THAP12: variants seen among roughly 807,000 people sequenced by gnomAD.
THAP12 encodes THAP domain containing 12, also known as 52 kDa repressor of the inhibitor of the protein kinase.
Under a neutral mutation model 63.0 loss-of-function variants are expected in THAP12, and 20 were observed. The ratio of observed to expected loss-of-function variants is 0.32; its 90% CI spans 0.22 to 0.46. THAP12 has a LOEUF of 0.46. THAP12 is among the 20% of genes least tolerant of loss of function. The pLI, the probability that THAP12 is intolerant of heterozygous loss-of-function variation, is 1.00. For synonymous variants in THAP12, 264 were observed against 328.4 expected, an observed-to-expected ratio of 0.80 and a Z score of 2.12; for missense variants, 568 against 908.2, an observed-to-expected ratio of 0.63 and a Z score of 4.81.
chr11:76,370,227 C>T (rs983216522), intron 1 of THAP12, among the ~76,000 whole-genome samples: 1 of 152,100 alleles, frequency 6.6e-6, no homozygotes, highest in Non-Finnish European at 1.5e-5. Context: ...GCTGGGAGAA[C>T]CATGAAGCAG....
At chr11:76,367,661 G>T (rs886108191) in intron 1 of THAP12, among the ~76,000 whole-genome samples, 2 of 151,434 alleles carry the variant, frequency 1.3e-5, no homozygotes, top group African/African-American at 4.9e-5. Context: ...GATCGCAGGT[G>T]ATCTGCCCAC....
chr11:76,380,375 G>C (rs997981511), intron 1 of THAP12, among the ~76,000 whole-genome samples: 2 of 152,212 alleles, frequency 1.3e-5, no homozygotes, highest in African/African-American at 4.8e-5. Flanking sequence ...ATAGAGTCCT[G>C]CTCTCTTTTG....
At chr11:76,365,459 T>C (rs551615240) in intron 2 of THAP12, among the ~76,000 whole-genome samples, 1 of 152,108 alleles carries the variant, frequency 6.6e-6, no homozygotes, top group South Asian at 2.1e-4. Flanking sequence ...AACACAACTC[T>C]CTGCAGCCCC....
intron 1 of THAP12, among the ~76,000 whole-genome samples, chr11:76,368,808 G>A (rs762096708): frequency 2.0e-5 from 3 of 152,140 alleles, no homozygotes; most frequent in Admixed American, 6.6e-5. Context: ...AAACAATAAA[G>A]CCACTAAAAG....
At chr11:76,353,372 C>T (rs1367204095) in intron 4 of THAP12, among the ~76,000 whole-genome samples, 1 of 152,186 alleles carries the variant, frequency 6.6e-6, no homozygotes, top group Admixed American at 6.5e-5. Context: ...CACTAAGTAA[C>T]TTGCCCAAGA....
intron 1 of THAP12, among the ~76,000 whole-genome samples, chr11:76,367,926 G>A (rs886098342): frequency 1.3e-5 from 2 of 152,126 alleles, no homozygotes; most frequent in Non-Finnish European, 2.9e-5. Flanking sequence ...ACTGCTCACA[G>A]TAACGATGCC....
At chr11:76,364,997 T>C (rs1946621190) in intron 2 of THAP12, among the ~76,000 whole-genome samples, 1 of 152,210 alleles carries the variant, frequency 6.6e-6, no homozygotes, top group African/African-American at 2.4e-5. Context: ...AGTGGTTACC[T>C]CAGCCGGGTG....
At chr11:76,370,908 GTATA>G (rs1242551454) in intron 1 of THAP12, among the ~76,000 whole-genome samples, 1 of 150,402 alleles carries the variant, frequency 6.6e-6, no homozygotes, top group Admixed American at 6.6e-5. Context: ...TTATGAATAT[GTATA>G]TATATTTATA....
intron 2 of THAP12, among the ~76,000 whole-genome samples, chr11:76,363,553 A>T (rs995033749): frequency 6.0e-5 from 9 of 150,586 alleles, no homozygotes; most frequent in Non-Finnish European, 8.8e-5. Flanking sequence ...CAAAACTCTT[A>T]AACATTTAGA....
rs1039829711 is a variant in THAP12 at position 76,380,918 on chromosome 11, G to A, written c.-82C>T. On this transcript the variant is annotated 5_prime_UTR_variant, in exon 1 of 5. Transcript: ENST00000260045. ...CGCCCGCCCGTCGGGGCCGGGGAGG[G>A]GAGCCAGGCCGGCCGGCCGGCTCGG... 278 of 921,010 alleles carry A rather than the reference G, an allele frequency of 3.0e-4. 1 individual carries two copies. Among genetic ancestry groups the A allele is most frequent in the Non-Finnish European group, 3.7e-4 (268 of 715,220 alleles). The allele number at this position is 921,010 out of a possible 1,614,324, so 57.1% of individuals were successfully genotyped here.
Position 76,351,773 on chromosome 11 carries a change from C to G in THAP12, c.1377G>C (p.Trp459Cys). ...DGINSDTNIR[W>C]NNYIAGRAFV... The stretch of plus-strand genomic sequence containing the variant: ...ATGCTCGGCCAGCTATATAGTTATT[C>G]CATCTAATATTTGTGTCACTATTTA... Residue 459 changes from tryptophan (W) to cysteine (C), a missense_variant, in exon 5 of 5, where the codon TGG becomes TGC. Trp to Cys is a radical substitution (Grantham distance 215). Transcript: ENST00000260045. 4 of 1,613,174 alleles carry G rather than the reference C, an allele frequency of 2.5e-6. No homozygotes were observed. Among genetic ancestry groups the G allele is most frequent in the Non-Finnish European group, 3.4e-6 (4 of 1,179,430 alleles).
At chr11:76,373,723 A>AG (rs1041025063) in intron 1 of THAP12, among the ~76,000 whole-genome samples, 3 of 151,120 alleles carry the variant, frequency 2.0e-5, no homozygotes, top group African/African-American at 7.3e-5. Context: ...CCCCTCAAAA[A>AG]AAAAAAAAGT....
In THAP12 at chr11:76,380,751, G is replaced by T. The variant is rs1170132135; in HGVS notation, c.86C>A (p.Ala29Asp). The change falls in exon 1 of 5, where the codon GCC (alanine) becomes GAC (aspartate). Residue 29 changes from alanine to aspartate, a missense_variant. Physicochemically the swap from Ala to Asp is moderately radical, Grantham distance 126 (BLOSUM62 -2). Coordinates refer to ENST00000260045, the MANE Select transcript of THAP12 (RefSeq NM_004705.4). ...LAFFRFPRDP[A>D]RCQKWVENCR... ...CCGCTCTGCGCCCGCCGCTTACCTG[G>T]CAGGGTCCCGCGGGAACCTGAAGAA... is the stretch of plus-strand genomic sequence containing the variant. 1.4e-6 allele frequency: 2 copies of T among 1,448,074 alleles called. No homozygotes were observed. The highest frequency in any genetic ancestry group is 4.9e-5 in the Admixed American group (2 of 40,636). The allele number at this position is 1,448,074 out of a possible 1,614,324, so 89.7% of individuals were successfully genotyped here.
chr11:76,355,810 A>G lies in THAP12; in HGVS notation c.319-156T>C, dbSNP rs1278199295. On this transcript the variant is annotated intron_variant, in intron 3 of 4. Coordinates refer to ENST00000260045, the MANE Select transcript of THAP12 (RefSeq NM_004705.4). ...TTATATAGTACACATTCTTCAAACA[A>G]ACAGACAATGAGAAAACCAGAATAA... 5 of 525,676 alleles carry G rather than the reference A, an allele frequency of 9.5e-6. No individual in the cohort carries two copies. In the East Asian group the frequency reaches 1.6e-4, roughly 17 times the overall value. The allele number at this position is 525,676 out of a possible 1,614,324, so 32.6% of individuals were successfully genotyped here.
chr11:76,378,335 A>G (rs1946725627), intron 1 of THAP12, among the ~76,000 whole-genome samples: 1 of 152,198 alleles, frequency 6.6e-6, no homozygotes, highest in South Asian at 2.1e-4. Context: ...AGTGAGTAGA[A>G]TAGTTTGTGA....
At chr11:76,365,643 T>C (rs1946626359) in intron 2 of THAP12, among the ~76,000 whole-genome samples, 1 of 152,200 alleles carries the variant, frequency 6.6e-6, no homozygotes. Context: ...TGCCTCGGCC[T>C]CCCAAAGTGC....
In THAP12 at chr11:76,351,294, G is replaced by A. The variant is rs747184093; in HGVS notation, c.1856C>T (p.Thr619Met). The A allele has an allele frequency of 5.7e-6, 9 of 1,582,854 alleles. No homozygotes were observed. The highest frequency in any genetic ancestry group is 1.3e-5 in the African/African-American group (1 of 74,312). ...PSVMGQLKFN[T>M]SEEHHADMYR... ...CATGTCAGCATGGTGTTCCTCCGAC[G>A]TATTGAATTTGAGTTGTCCCATGAC... Residue 619 changes from threonine to methionine, a missense_variant, in exon 5 of 5, where the codon ACG (threonine) becomes ATG (methionine). Thr to Met is a moderately conservative substitution (Grantham distance 81). Coordinates refer to ENST00000260045, the MANE Select transcript of THAP12 (RefSeq NM_004705.4).
At chr11:76,357,849 C>A (rs1468491067) in intron 3 of THAP12, 1 of 152,004 alleles carries the variant, frequency 6.6e-6, no homozygotes, top group Non-Finnish European at 1.5e-5. Flanking sequence ...CTAAAATGGA[C>A]CTAAGAGAGA....
chr11:76,351,173 C>T lies in THAP12; in HGVS notation c.1977G>A (p.Pro659=), dbSNP rs577884315. ...WKHRGKDIEL[P]STIYEALHLP... ...GGTGGAGGGCTTCATAGATGGTGGA[C>T]GGAAGCTCTATATCTTTCCCCCTGT... is the stretch of plus-strand genomic sequence containing the variant. The change falls in exon 5 of 5, where the codon CCG becomes CCA. Residue 659 remains proline (P), a synonymous_variant. Coordinates refer to ENST00000260045, the MANE Select transcript of THAP12 (RefSeq NM_004705.4). 22 of 1,588,846 alleles carry T rather than the reference C, an allele frequency of 1.4e-5. 1 individual carries two copies. Among genetic ancestry groups the T allele is most frequent in the South Asian group, 8.0e-5 (7 of 87,010 alleles).
Sources: allele counts gnomAD v4.1 joint callset (sites outside exome capture counted in the v4.1 genomes callset), GRCh38; gene constraint gnomAD v4.1.1; transcripts MANE v1.5; gene names NCBI Gene and HGNC (gene_info 2026-07-23, HGNC 2026-07-21).